The following DIS3L2 variants were observed in gnomAD, a reference collection of about 807,000 sequenced individuals.
DIS3L2 encodes DIS3-like exonuclease 2.
A neutral mutation model predicts 97.5 loss-of-function variants in DIS3L2; 34 were observed. That is an observed-to-expected ratio of 0.35 (90% CI 0.27 to 0.46). DIS3L2 has a LOEUF of 0.46. Ranked by LOEUF, DIS3L2 falls within the 20% of genes least tolerant of loss-of-function variation. The pLI, the probability that DIS3L2 is intolerant of heterozygous loss-of-function variation, is 1.00. For missense variants in DIS3L2, 1,038 were observed against 1,146.0 expected, an observed-to-expected ratio of 0.91 and a Z score of 1.36; for synonymous variants, 435 against 445.2, an observed-to-expected ratio of 0.98 and a Z score of 0.29.
intron 20 of DIS3L2, 87 bp from the exon 21 acceptor site, chr2:232,336,382 G>A (rs768417077): frequency 1.4e-5 from 22 of 1,550,370 alleles, no homozygotes; most frequent in Non-Finnish European, 1.8e-5. Flanking sequence ...GGAGGGGCCA[G>A]GGGTCCTGCT....
At chr2:232,159,961 A>G (rs1013672808) in intron 8 of DIS3L2, among the ~76,000 whole-genome samples, 2 of 152,210 alleles carry the variant, frequency 1.3e-5, no homozygotes, top group Non-Finnish European at 2.9e-5. Context: ...GTCATGATGT[A>G]TCACCTTTTT....
intron 14 of DIS3L2, among the ~76,000 whole-genome samples, chr2:232,304,105 G>T (rs1417324865): frequency 6.6e-6 from 1 of 151,918 alleles, no homozygotes; most frequent in African/African-American, 2.4e-5. Flanking sequence ...TGCATCTGGA[G>T]GTGTGAGGCC....
intron 5 of DIS3L2, among the ~76,000 whole-genome samples, chr2:232,073,656 C>T (rs1027962989): frequency 3.9e-5 from 6 of 152,068 alleles, no homozygotes; most frequent in East Asian, 1.9e-4. Flanking sequence ...GCTTGGAGTT[C>T]GGGTGAGCCA....
At chr2:232,169,753 A>G (rs566560168) in intron 9 of DIS3L2, among the ~76,000 whole-genome samples, 1 of 152,284 alleles carries the variant, frequency 6.6e-6, no homozygotes, top group African/African-American at 2.4e-5. Context: ...GAACTTCTAC[A>G]TACCCGTTTA....
chr2:232,047,850 A>G (rs1186422194), intron 5 of DIS3L2, among the ~76,000 whole-genome samples: 3 of 152,162 alleles, frequency 2.0e-5, no homozygotes, highest in Admixed American at 6.5e-5. Context: ...GTGTTCCTTC[A>G]CTTAGCATAA....
intron 6 of DIS3L2, among the ~76,000 whole-genome samples, chr2:232,116,482 G>T (rs886561340): frequency 6.6e-6 from 1 of 152,150 alleles, no homozygotes; most frequent in African/African-American, 2.4e-5. Flanking sequence ...TACTGTCATT[G>T]ATTCTTCTTT....
At chr2:232,014,801 C>T (rs548460800) in intron 1 of DIS3L2, 34 bp from the exon 2 acceptor site, 14 of 985,298 alleles carry the variant, frequency 1.4e-5, no homozygotes, top group South Asian at 8.9e-5. Flanking sequence ...ACAGCTTAAC[C>T]GCTCTCCAAT....
In DIS3L2 at chr2:232,197,976, A is replaced by G. The variant is rs902786012; in HGVS notation, c.1125-12350A>G. Among the ~76,000 whole-genome samples, 106 of 152,018 alleles carry G rather than the reference A, an allele frequency of 7.0e-4. 2 individuals are homozygous for G. Among genetic ancestry groups the G allele is most frequent in the African/African-American group, 1.7e-3 (69 of 41,450 alleles). On this transcript the variant is annotated intron_variant, in intron 9 of 20. Transcript: ENST00000325385. ...TGAGACTCCATCTCATTAAAAAAAA[A>G]AAAAAGAAAAGTCTGGAATTAAGGG...
intron 5 of DIS3L2, among the ~76,000 whole-genome samples, chr2:232,077,315 A>C (rs1224550505): frequency 6.6e-6 from 1 of 151,524 alleles, no homozygotes; most frequent in Non-Finnish European, 1.5e-5. Context: ...AAAAAAAAAA[A>C]ACAGTAGATA....
At chr2:232,304,862 ATC>A (rs1190560725) in intron 14 of DIS3L2, among the ~76,000 whole-genome samples, 1 of 152,068 alleles carries the variant, frequency 6.6e-6, no homozygotes, top group Non-Finnish European at 1.5e-5. Context: ...TTTATCTATT[ATC>A]TTTGATTCTC....
chr2:232,333,763 C>CGGATA, intron 16 of DIS3L2, 77 bp from the exon 17 acceptor site: 31 of 1,448,162 alleles, frequency 2.1e-5, no homozygotes, highest in South Asian at 1.1e-4. Flanking sequence ...GACGGTGAGG[C>CGGATA]TGTGGGTGGT....
chr2:232,046,526 T>C (rs1418898506), intron 5 of DIS3L2, among the ~76,000 whole-genome samples: 1 of 152,218 alleles, frequency 6.6e-6, no homozygotes, highest in Non-Finnish European at 1.5e-5. Context: ...GACATTATTA[T>C]AGCTGGTCCT....
At chr2:232,042,865 G>C (rs1265248813) in intron 5 of DIS3L2, among the ~76,000 whole-genome samples, 1 of 152,154 alleles carries the variant, frequency 6.6e-6, no homozygotes, top group Admixed American at 6.5e-5. Context: ...AGTTAATGTA[G>C]GTAAATACTT....
chr2:232,278,390 A>C (rs760116393), intron 13 of DIS3L2, among the ~76,000 whole-genome samples: 1 of 152,176 alleles, frequency 6.6e-6, no homozygotes, highest in Non-Finnish European at 1.5e-5. Flanking sequence ...ACGTATAGTC[A>C]TGTAATTGCC....
chr2:232,081,608 G>T (rs550139076), intron 5 of DIS3L2, among the ~76,000 whole-genome samples: 1 of 152,240 alleles, frequency 6.6e-6, no homozygotes, highest in South Asian at 2.1e-4. Context: ...TAAATGCGTA[G>T]AATTCTCCAT....
chr2:231,980,213 A>G (rs1384821765), intron 1 of DIS3L2, among the ~76,000 whole-genome samples: 1 of 152,234 alleles, frequency 6.6e-6, no homozygotes, highest in African/African-American at 2.4e-5. Flanking sequence ...TTCACATCAC[A>G]TAATGTTAGT....
intron 9 of DIS3L2, among the ~76,000 whole-genome samples, chr2:232,196,719 T>C (rs1574939499): frequency 6.6e-6 from 1 of 151,370 alleles, no homozygotes; most frequent in East Asian, 1.9e-4. Flanking sequence ...TGAAAAGAAA[T>C]TCTGGGTAAT....
At chr2:232,162,865 T>A (rs951384293) in intron 8 of DIS3L2, among the ~76,000 whole-genome samples, 3 of 152,244 alleles carry the variant, frequency 2.0e-5, no homozygotes, top group African/African-American at 7.2e-5. Context: ...GTTAGCATTG[T>A]CCTGTTAAAT....
At chr2:231,964,293 A>C (rs368947666) in intron 1 of DIS3L2, among the ~76,000 whole-genome samples, 1 of 152,124 alleles carries the variant, frequency 6.6e-6, no homozygotes. Context: ...TTTGCTTCCC[A>C]GTTGTGAGTG....
Sources: gnomAD v4.1 joint callset for allele counts (sites outside exome capture counted in the v4.1 genomes callset) on GRCh38, gnomAD v4.1.1 for gene constraint, MANE v1.5 for transcripts, NCBI Gene and HGNC (gene_info 2026-07-23, HGNC 2026-07-21) for gene names.